Variants in CLCN3 observed in about 807,000 individuals in gnomAD.
The protein encoded by CLCN3 is H(+)/Cl(-) exchange transporter 3.
In CLCN3, 16 loss-of-function variants were observed where a neutral mutation model predicts 83.4. The observed-to-expected ratio is 0.19, with a 90% CI of 0.13 to 0.29. CLCN3 has a LOEUF of 0.29. Ranked by LOEUF, CLCN3 falls within the 10% of genes least tolerant of loss-of-function variation. The probability of loss-of-function intolerance (pLI) is 1.00; values close to 1 mark genes in which losing one functional copy is unlikely to be tolerated. For synonymous variants in CLCN3, 322 were observed against 346.2 expected (o/e 0.93, Z 0.78); for missense variants, 544 against 1,006.0 (o/e 0.54, Z 6.21).
intron 11 of CLCN3, among the ~76,000 whole-genome samples, chr4:169,709,995 G>A (rs13103267): frequency 0.19 from 28,828 of 151,974 alleles, 3,516 homozygotes; most frequent in South Asian, 0.31. Context: ...TACTGGGAAC[G>A]CTGATGCAGG....
At chr4:169,703,029 A>G (rs553250972) in intron 9 of CLCN3, among the ~76,000 whole-genome samples, 4 of 152,338 alleles carry the variant, frequency 2.6e-5, no homozygotes, top group South Asian at 4.1e-4. Flanking sequence ...CAGACCACAT[A>G]CAACACTTAT....
intron 3 of CLCN3, among the ~76,000 whole-genome samples, chr4:169,686,089 C>T (rs1019861705): frequency 5.3e-5 from 8 of 151,948 alleles, no homozygotes; most frequent in Admixed American, 2.0e-4. Flanking sequence ...AACCAAACAT[C>T]GCATGTTCTC....
chr4:169,676,650 A>ATTTTTTT (rs557077180), intron 2 of CLCN3, among the ~76,000 whole-genome samples: 1 of 128,252 alleles, frequency 7.8e-6, no homozygotes, highest in Non-Finnish European at 1.6e-5. Flanking sequence ...CATGCCCAGC[A>ATTTTTTT]TTTTTTTTTT....
intron 3 of CLCN3, among the ~76,000 whole-genome samples, chr4:169,682,147 C>T (rs1025154760): frequency 2.6e-5 from 4 of 152,112 alleles, no homozygotes; most frequent in African/African-American, 9.7e-5. Flanking sequence ...GATTTTGTAA[C>T]ATTATGCAGT....
At chr4:169,679,568 G>A (rs1194221259) in intron 2 of CLCN3, among the ~76,000 whole-genome samples, 3 of 152,154 alleles carry the variant, frequency 2.0e-5, no homozygotes, top group Admixed American at 6.5e-5. Context: ...GTAGCGAGCC[G>A]AGATCACGCC....
chr4:169,691,007 T>A (rs1182308179), intron 6 of CLCN3, among the ~76,000 whole-genome samples: 1 of 151,920 alleles, frequency 6.6e-6, no homozygotes, highest in Non-Finnish European at 1.5e-5. Flanking sequence ...ACCCTGAATT[T>A]TTTTTTTTTG....
chr4:169,636,364 G>GA (rs1773502742), intron 2 of CLCN3, among the ~76,000 whole-genome samples: 1 of 152,120 alleles, frequency 6.6e-6, no homozygotes, highest in African/African-American at 2.4e-5. Flanking sequence ...ATGTAATACA[G>GA]AGAGGTGTGC....
intron 12 of CLCN3, among the ~76,000 whole-genome samples, chr4:169,717,351 C>T (rs1209138180): frequency 6.6e-6 from 1 of 152,044 alleles, no homozygotes; most frequent in Non-Finnish European, 1.5e-5. Flanking sequence ...CTTTTGCTAC[C>T]TTTTCACCAA....
At position 169,675,266 on chromosome 4, in the gene CLCN3, T is replaced by A. The variant is rs77612241; in HGVS notation, c.161-4784T>A. On this transcript the variant is annotated intron_variant, in intron 2 of 12. Transcript: ENST00000513761. ...AGTATTGGCATCGTGGTTCTTTGTG[T>A]ATTCCTCCCTTATCCCACCCCAAGT... Among the ~76,000 whole-genome samples, 24 of 152,370 alleles carry A rather than the reference T, an allele frequency of 1.6e-4. No homozygotes were observed. The East Asian group carries it at 4.6e-3, about 29-fold the overall frequency.
intron 12 of CLCN3, 36 bp from the exon 13 acceptor site, chr4:169,719,871 T>A (rs778468721): frequency 6.5e-7 from 1 of 1,549,190 alleles, no homozygotes; most frequent in Non-Finnish European, 8.8e-7. Context: ...TATTTTCCCT[T>A]TTATTTCATA....
chr4:169,660,125 C>T (rs1452259502), intron 2 of CLCN3: 1 of 1,088,054 alleles, frequency 9.2e-7, no homozygotes, highest in Non-Finnish European at 1.1e-6. Context: ...ATTAAGAAGG[C>T]TGTGCCGCCT....
chr4:169,681,472 T>C (rs532788048), intron 3 of CLCN3, among the ~76,000 whole-genome samples: 32 of 152,372 alleles, frequency 2.1e-4, no homozygotes, highest in Non-Finnish European at 4.1e-4. Flanking sequence ...TTTATTATAT[T>C]GTTTATGAAA....
At chr4:169,685,921 A>G (rs1732138467) in intron 3 of CLCN3, among the ~76,000 whole-genome samples, 1 of 152,270 alleles carries the variant, frequency 6.6e-6, no homozygotes, top group South Asian at 2.1e-4. Context: ...GAAGGGGTAA[A>G]ATTGCCTCAT....
chr4:169,712,544 C>T (rs891444169), intron 11 of CLCN3, among the ~76,000 whole-genome samples: 1 of 152,126 alleles, frequency 6.6e-6, no homozygotes, highest in Admixed American at 6.5e-5. Flanking sequence ...CTGTAATGTT[C>T]ATGACTTTTC....
intron 10 of CLCN3, 125 bp from the exon 11 acceptor site, chr4:169,706,743 C>G (rs946281194): frequency 7.0e-6 from 5 of 711,076 alleles, no homozygotes; most frequent in Middle Eastern, 5.0e-4. Context: ...GTTTTAGATG[C>G]TAATGCTTTT....
chr4:169,667,798 TG>T (rs1447985665), intron 2 of CLCN3, among the ~76,000 whole-genome samples: 1 of 150,804 alleles, frequency 6.6e-6, no homozygotes, highest in East Asian at 1.9e-4. Flanking sequence ...CAGGTTGGAG[TG>T]CAGTGGCACA....
Position 169,722,806 on chromosome 4 carries a change from T to TATC in CLCN3, c.*2810_*2812dup, listed in dbSNP as rs1456863390. On this transcript the variant is annotated 3_prime_UTR_variant, in exon 13 of 13. Transcript: ENST00000513761. ...TGCATTTAGTGGTTTTCTTTGGTGT[T>TATC]ATCTGTTCCATTTTTCTTTTTCATA... 6.6e-6 allele frequency: 1 copy of TATC among 152,218 alleles called. No individual in the cohort carries two copies. The highest frequency in any genetic ancestry group is 1.5e-5 in the Non-Finnish European group (1 of 68,040). The allele number at this position is 152,218 out of a possible 1,614,324, so 9.4% of individuals were successfully genotyped here.
At chr4:169,631,687 A>G (rs757166663) in intron 1 of CLCN3, among the ~76,000 whole-genome samples, 36 of 152,330 alleles carry the variant, frequency 2.4e-4, no homozygotes, top group Non-Finnish European at 4.7e-4. Flanking sequence ...TAGCTAGATT[A>G]ACAGAGAAAG....
At chr4:169,698,943 C>G (rs564573110) in intron 9 of CLCN3, among the ~76,000 whole-genome samples, 2 of 152,288 alleles carry the variant, frequency 1.3e-5, no homozygotes, top group Admixed American at 6.5e-5. Context: ...GTCTCATCAC[C>G]CTGACCCAAA....
Sources: gnomAD v4.1 joint callset for allele counts (sites outside exome capture counted in the v4.1 genomes callset) on GRCh38, gnomAD v4.1.1 for gene constraint, MANE v1.5 for transcripts, NCBI Gene and HGNC (gene_info 2026-07-23, HGNC 2026-07-21) for gene names.